The following MSH3 variants were observed in gnomAD, a reference collection of about 807,000 sequenced individuals.
The protein encoded by MSH3 is mutS homolog 3.
A neutral mutation model predicts 123.3 loss-of-function variants in MSH3; 106 were observed. That is an observed-to-expected ratio of 0.86 (90% confidence interval 0.73 to 1.01). The LOEUF is 1.01. MSH3 is among the 50% of genes least tolerant of loss of function. MSH3 has a pLI of 0.00. For missense variants in MSH3, 1,459 were observed against 1,347.6 expected, an observed-to-expected ratio of 1.08 and a Z score of -1.29; for synonymous variants, 515 against 481.4, an observed-to-expected ratio of 1.07 and a Z score of -0.91.
intron 8 of MSH3, among the ~76,000 whole-genome samples, chr5:80,720,717 T>C (rs1400214280): frequency 6.6e-6 from 1 of 152,064 alleles, no homozygotes; most frequent in Admixed American, 6.6e-5. Flanking sequence ...TGTTTTTTCT[T>C]TTTTTTTCTT....
At chr5:80,714,717 G>A (rs1432791681) in intron 8 of MSH3, among the ~76,000 whole-genome samples, 1 of 152,112 alleles carries the variant, frequency 6.6e-6, no homozygotes, top group Non-Finnish European at 1.5e-5. Context: ...AATTAGAACT[G>A]TAATTGAGTA....
intron 13 of MSH3, among the ~76,000 whole-genome samples, chr5:80,765,345 G>A (rs1195014156): frequency 6.6e-6 from 1 of 152,120 alleles, no homozygotes; most frequent in Non-Finnish European, 1.5e-5. Flanking sequence ...TGGCCAAAAA[G>A]CTTCCAGGTT....
At chr5:80,704,418 T>C (rs555910411) in intron 8 of MSH3, among the ~76,000 whole-genome samples, 1 of 152,362 alleles carries the variant, frequency 6.6e-6, no homozygotes, top group African/African-American at 2.4e-5. Context: ...AAAAGTGGAA[T>C]GCATTTCCTG....
chr5:80,823,240 T>A (rs1005945298), intron 20 of MSH3, among the ~76,000 whole-genome samples: 23 of 152,206 alleles, frequency 1.5e-4, no homozygotes, highest in Admixed American at 4.6e-4. Flanking sequence ...AATTTTTAAA[T>A]TTCTAAAATA....
chr5:80,807,370 A>G (rs1212709410), intron 19 of MSH3, among the ~76,000 whole-genome samples: 1 of 152,202 alleles, frequency 6.6e-6, no homozygotes, highest in African/African-American at 2.4e-5. Context: ...CACTTCTAAT[A>G]TTAAACATTG....
Position 80,875,734 on chromosome 5 carries a change from A to G in MSH3, c.3303-17A>G, listed in dbSNP as rs2112131661. The G allele has an allele frequency of 6.9e-7, 1 of 1,440,460 alleles. No homozygotes were observed. The highest frequency in any genetic ancestry group is 1.1e-5 in the South Asian group (1 of 87,150). 89.2% of individuals were successfully genotyped at this position (1,440,460 alleles called of 1,614,324 possible). A position where few individuals can be genotyped will look rare whatever the true frequency, so the allele number is the denominator to read the frequency against. ...CAATTTCATTTATTAAATAAGTAGT[A>G]TTTGATTTTTCCCCAGAAAGAGACT... On this transcript the variant is annotated splice_polypyrimidine_tract_variant and intron_variant, in intron 23 of 23. Transcript: ENST00000265081.
At chr5:80,853,409 A>T (rs1192076562) in intron 20 of MSH3, among the ~76,000 whole-genome samples, 1 of 151,896 alleles carries the variant, frequency 6.6e-6, no homozygotes, top group African/African-American at 2.4e-5. Flanking sequence ...CAGGAGGCAG[A>T]GGTTGTAGTG....
At chr5:80,795,664 G>C (rs1283388917) in intron 19 of MSH3, among the ~76,000 whole-genome samples, 1 of 152,160 alleles carries the variant, frequency 6.6e-6, no homozygotes, top group African/African-American at 2.4e-5. Flanking sequence ...AAGACCCAAT[G>C]TCTATAAACT....
In MSH3 at chr5:80,675,354, A is replaced by T. The variant is rs145631341; in HGVS notation, c.1173+226A>T. The stretch of plus-strand genomic sequence containing the variant: ...CATTCTCACGTTGCTATAAAGAACC[A>T]CTTGAGACTGGGTAATTTATAAAGA... On this transcript the variant is annotated intron_variant, in intron 7 of 23. Transcript: ENST00000265081. Among the ~76,000 whole-genome samples, 96 of 152,282 alleles carry T rather than the reference A, an allele frequency of 6.3e-4. 1 individual carries two copies. The highest frequency in any genetic ancestry group is 2.2e-3 in the African/African-American group (91 of 41,554).
At chr5:80,711,027 T>G (rs534221658) in intron 8 of MSH3, among the ~76,000 whole-genome samples, 9 of 152,234 alleles carry the variant, frequency 5.9e-5, no homozygotes, top group African/African-American at 2.2e-4. Context: ...AATTTTACCT[T>G]TAAAAACAAA....
chr5:80,685,665 CTGAT>C (rs1309658725), intron 8 of MSH3, among the ~76,000 whole-genome samples: 1 of 151,770 alleles, frequency 6.6e-6, no homozygotes, highest in Non-Finnish European at 1.5e-5. Flanking sequence ...TATTTCTGCT[CTGAT>C]TTTTATTTTT....
chr5:80,697,198 G>T (rs1750502091), intron 8 of MSH3, among the ~76,000 whole-genome samples: 1 of 152,088 alleles, frequency 6.6e-6, no homozygotes, highest in Non-Finnish European at 1.5e-5. Context: ...GTATTTGAAG[G>T]AACCTCCATA....
intron 8 of MSH3, among the ~76,000 whole-genome samples, chr5:80,679,378 T>C (rs967902063): frequency 1.3e-5 from 2 of 151,994 alleles, no homozygotes; most frequent in African/African-American, 4.8e-5. Flanking sequence ...AAAAAACAAA[T>C]AGAAGAAACA....
At chr5:80,695,629 C>G (rs927124704) in intron 8 of MSH3, among the ~76,000 whole-genome samples, 8 of 152,104 alleles carry the variant, frequency 5.3e-5, no homozygotes, top group African/African-American at 1.9e-4. Context: ...CCACTGTGTC[C>G]GGCCCATTTT....
intron 12 of MSH3, among the ~76,000 whole-genome samples, chr5:80,755,132 G>A (rs371512191): frequency 2.0e-5 from 3 of 152,296 alleles, no homozygotes; most frequent in Admixed American, 2.0e-4. Context: ...GTTTGATTGG[G>A]ACTGACCTGG....
intron 8 of MSH3, among the ~76,000 whole-genome samples, chr5:80,714,903 G>A (rs1436783059): frequency 1.3e-5 from 2 of 152,174 alleles, no homozygotes; most frequent in African/African-American, 2.4e-5. Flanking sequence ...TAGTTAGTCC[G>A]ATACTCTCTC....
At position 80,768,981 on chromosome 5, in the gene MSH3, A is replaced by G. The variant is rs1228057455; in HGVS notation, c.2231A>G (p.Tyr744Cys). The G allele has an allele frequency of 6.2e-7, 1 of 1,612,850 alleles. No homozygotes were observed. Among genetic ancestry groups the G allele is most frequent in the East Asian group, 2.2e-5 (1 of 44,740 alleles). Residue 744 changes from tyrosine to cysteine, a missense_variant, in exon 15 of 24, where the codon TAT becomes TGT. By Grantham distance (194) the Tyr-to-Cys change is radical. Coordinates refer to ENST00000265081, the MANE Select transcript of MSH3 (RefSeq NM_002439.5). ...ATACTAAAAAATCCTTCTGCACAATATGTGACAGTATCAGGACAGGAGGTA... is the reference window on the plus strand; with the variant it reads ...ATACTAAAAAATCCTTCTGCACAATGTGTGACAGTATCAGGACAGGAGGTA... ...RKILKNPSAQ[Y>C]VTVSGQEFMI...
intron 8 of MSH3, among the ~76,000 whole-genome samples, chr5:80,699,969 C>T (rs1750571863): frequency 6.6e-6 from 1 of 152,132 alleles, no homozygotes; most frequent in South Asian, 2.1e-4. Flanking sequence ...CCCCATTTTC[C>T]TCATTCCTCT....
At chr5:80,825,496 C>A (rs1352109240) in intron 20 of MSH3, among the ~76,000 whole-genome samples, 2 of 152,086 alleles carry the variant, frequency 1.3e-5, no homozygotes, top group African/African-American at 4.8e-5. Flanking sequence ...ACTATTCCCT[C>A]ATTTTTCTTG....
Sources: allele counts gnomAD v4.1 joint callset (sites outside exome capture counted in the v4.1 genomes callset), GRCh38; gene constraint gnomAD v4.1.1; transcripts MANE v1.5; gene names NCBI Gene and HGNC (gene_info 2026-07-23, HGNC 2026-07-21).